STAT4: variants seen among roughly 807,000 people sequenced by gnomAD.
STAT4 encodes signal transducer and activator of transcription 4.
Under a neutral mutation model 110.5 loss-of-function variants are expected in STAT4, and 42 were observed. That is an observed-to-expected ratio of 0.38 (90% CI 0.30 to 0.49). The LOEUF (loss-of-function observed/expected upper bound fraction) is 0.49. Ranked by LOEUF, STAT4 falls within the 20% of genes least tolerant of loss-of-function variation. The pLI is 0.95. For synonymous variants in STAT4, 284 were observed against 302.2 expected (o/e 0.94, Z 0.63); for missense variants, 632 against 887.9 (o/e 0.71, Z 3.66).
At chr2:191,040,414 C>A (rs1259923232) in intron 15 of STAT4, among the ~76,000 whole-genome samples, 2 of 151,994 alleles carry the variant, frequency 1.3e-5, no homozygotes. Context: ...GACATAAGCT[C>A]AAGGATACTT....
At position 191,069,710 on chromosome 2, in the gene STAT4, T is replaced by C. The variant is rs1697089982; in HGVS notation, c.527A>G (p.Lys176Arg). 2 of 1,609,918 alleles carry C rather than the reference T, an allele frequency of 1.2e-6. No individual in the cohort carries two copies. The change falls in exon 6 of 24, where the codon AAA (lysine) becomes AGA (arginine). Residue 176 changes from lysine to arginine, a missense_variant. Lys to Arg is a conservative substitution (Grantham distance 26, BLOSUM62 2). Around this residue, in one of 4 missense-constraint regions of STAT4, gnomAD observed 488 missense variants for 632.8 expected, o/e 0.77. Coordinates refer to ENST00000392320, the MANE Select transcript of STAT4 (RefSeq NM_003151.4). ...AAACTTACCCATTGTCTGAATTGTT[T>C]TATACCTGTAGTCAAATTCGTCTTG... ...DLQDEFDYRY[K>R]TIQTMDQSDK...
At chr2:191,073,308 T>A in intron 4 of STAT4, 118 bp from the exon 5 acceptor site, 1 of 738,374 alleles carries the variant, frequency 1.4e-6, no homozygotes, top group Non-Finnish European at 2.3e-6. Context: ...TACTCTATAG[T>A]CATTAAAAAA....
At position 191,061,669 on chromosome 2, in the gene STAT4, G is replaced by T; in HGVS notation, c.1034+60C>A. 6.7e-7 allele frequency: 1 copy of T among 1,495,416 alleles called. No individual in the cohort carries two copies. Among genetic ancestry groups the T allele is most frequent in the Non-Finnish European group, 9.3e-7 (1 of 1,072,900 alleles). 92.6% of individuals were successfully genotyped at this position (1,495,416 alleles called of 1,614,324 possible). A position where few individuals can be genotyped will look rare whatever the true frequency, so the allele number is the denominator to read the frequency against. On this transcript the variant is annotated intron_variant, in intron 10 of 23. Coordinates refer to ENST00000392320, the MANE Select transcript of STAT4 (RefSeq NM_003151.4). The surrounding 1 kb of genome is among the most constrained non-coding windows in gnomAD (Gnocchi z 6.2). Reference sequence around the variant, plus strand: ...AGCCACAATGAGAGAAATTGGCCTTGATCATCCAGAGACTATAGCTCCACA... The same window carrying T: ...AGCCACAATGAGAGAAATTGGCCTTTATCATCCAGAGACTATAGCTCCACA...
intron 3 of STAT4, among the ~76,000 whole-genome samples, chr2:191,092,502 T>C (rs1697827315): frequency 6.7e-6 from 1 of 150,094 alleles, no homozygotes; most frequent in African/African-American, 2.5e-5. Context: ...ATAGTGTGAA[T>C]GTGCTACAGT....
At chr2:191,106,692 TA>T (rs1698292776) in intron 3 of STAT4, among the ~76,000 whole-genome samples, 1 of 147,918 alleles carries the variant, frequency 6.8e-6, no homozygotes, top group Non-Finnish European at 1.5e-5. Context: ...TAAAATAAAA[TA>T]AAATAAAAAA....
At position 191,066,601 on chromosome 2, in the gene STAT4, G is replaced by T; in HGVS notation, c.545-86C>A. On this transcript the variant is annotated intron_variant, in intron 6 of 23. Transcript: ENST00000392320. This position sits in a 1 kb window ranked among gnomAD's most constrained non-coding sequence, Gnocchi z 4.3. ...CAATCCACCATCCTAAAACAGCCCT[G>T]GCCCGGAGAACTTATGTGGTAAGAG... is the stretch of plus-strand genomic sequence containing the variant. 1 of 1,250,384 alleles carries T rather than the reference G, an allele frequency of 8.0e-7. No homozygotes were observed. Among genetic ancestry groups the T allele is most frequent in the Non-Finnish European group, 1.1e-6 (1 of 877,944 alleles). 77.5% of individuals were successfully genotyped at this position (1,250,384 alleles called of 1,614,324 possible).
At chr2:191,064,689 C>T in intron 8 of STAT4, 118 bp downstream of exon 8, 1 of 1,218,898 alleles carries the variant, frequency 8.2e-7, no homozygotes. Context: ...TGCTAATAAG[C>T]CATCAATAAA....
chr2:191,029,944 G>A lies in STAT4; in HGVS notation c.2221-78C>T, dbSNP rs564177967. The A allele has an allele frequency of 4.5e-5, 51 of 1,136,364 alleles. No homozygotes were observed. The highest frequency in any genetic ancestry group is 3.4e-4 in the South Asian group (24 of 70,966). The allele number at this position is 1,136,364 out of a possible 1,614,324, so 70.4% of individuals were successfully genotyped here. On this transcript the variant is annotated intron_variant, in intron 23 of 23. Transcript: ENST00000392320. The surrounding 1 kb of genome is among the most constrained non-coding windows in gnomAD (Gnocchi z 4.5). ...ATCACTATTTCTTGGGCAAATAAAC[G>A]TCCTCTTTTCTACGAATTACTCCAT...
At chr2:191,076,405 AAAC>A (rs1375637132) in intron 3 of STAT4, 80 bp from the exon 4 acceptor site, 3 of 972,570 alleles carry the variant, frequency 3.1e-6, no homozygotes, top group East Asian at 2.4e-5. Context: ...ACCTCTTGAA[AAAC>A]AACAACAATC....
intron 3 of STAT4, among the ~76,000 whole-genome samples, chr2:191,134,648 C>T (rs139271403): frequency 6.6e-6 from 1 of 152,280 alleles, no homozygotes; most frequent in Non-Finnish European, 1.5e-5. Context: ...GAATCAAAGC[C>T]AAAGTATACT....
intron 3 of STAT4, among the ~76,000 whole-genome samples, chr2:191,127,674 C>G (rs766126327): frequency 1.2e-4 from 19 of 152,104 alleles, no homozygotes; most frequent in Admixed American, 2.6e-4. Flanking sequence ...GCCATTGTAC[C>G]CCAAAGTAAA....
rs1012030129 is a variant in STAT4, at chr2:191,147,136, C to A, written c.129-379G>T. 6.6e-6 allele frequency among the ~76,000 whole-genome samples: 1 copy of A among 152,132 alleles called. No individual in the cohort carries two copies. Among genetic ancestry groups the A allele is most frequent in the Non-Finnish European group, 1.5e-5 (1 of 67,988 alleles). On this transcript the variant is annotated intron_variant, in intron 2 of 23. Coordinates refer to ENST00000392320, the MANE Select transcript of STAT4 (RefSeq NM_003151.4). The surrounding 1 kb of genome is among the most constrained non-coding windows in gnomAD (Gnocchi z 4.1). ...AACATAAAATTGCTATATGACCCAGCAATTCCACATCTGGATATATACCCA... is the reference window on the plus strand; with the variant it reads ...AACATAAAATTGCTATATGACCCAGAAATTCCACATCTGGATATATACCCA...
intron 3 of STAT4, among the ~76,000 whole-genome samples, chr2:191,120,331 A>C (rs1698684923): frequency 6.6e-6 from 1 of 152,220 alleles, no homozygotes; most frequent in Non-Finnish European, 1.5e-5. Flanking sequence ...AAGAATTAAA[A>C]ATTAGTAAAA....
intron 3 of STAT4, among the ~76,000 whole-genome samples, chr2:191,088,107 T>C (rs982711868): frequency 6.6e-5 from 10 of 152,306 alleles, no homozygotes; most frequent in Middle Eastern, 3.4e-3. Context: ...ATTTTCTTTG[T>C]TCACAGGTGA....
intron 3 of STAT4, among the ~76,000 whole-genome samples, chr2:191,129,374 G>A (rs12995923): frequency 0.63 from 95,742 of 151,806 alleles, 30,609 homozygotes; most frequent in South Asian, 0.78. Context: ...GGATCACTTG[G>A]GCCCAGGAGT....
Position 191,033,420 on chromosome 2 carries a change from A to G in STAT4, c.1852+70T>C. ...CAGATCAACACACCATACACTTCCA[A>G]AAACTGAAATCCCAGTAACCAAATT... On this transcript the variant is annotated intron_variant, in intron 20 of 23. Coordinates refer to ENST00000392320, the MANE Select transcript of STAT4 (RefSeq NM_003151.4). The surrounding 1 kb of genome is among the most constrained non-coding windows in gnomAD (Gnocchi z 6.9). The G allele has an allele frequency of 6.6e-7, 1 of 1,525,340 alleles. No homozygotes were observed. The highest frequency in any genetic ancestry group is 2.1e-5 in the Admixed American group (1 of 48,548). The allele number at this position is 1,525,340 out of a possible 1,614,324, so 94.5% of individuals were successfully genotyped here.
At chr2:191,092,207 C>T (rs900825401) in intron 3 of STAT4, among the ~76,000 whole-genome samples, 9 of 151,968 alleles carry the variant, frequency 5.9e-5, no homozygotes, top group African/African-American at 1.7e-4. Context: ...AGTTAGAGAC[C>T]AGTCTAACCA....
chr2:191,102,799 C>G (rs1193186696), intron 3 of STAT4, among the ~76,000 whole-genome samples: 1 of 152,178 alleles, frequency 6.6e-6, no homozygotes, highest in Non-Finnish European at 1.5e-5. Context: ...CCAAAATATA[C>G]TTTCAGTTGT....
At chr2:191,127,679 A>G (rs1295605206) in intron 3 of STAT4, among the ~76,000 whole-genome samples, 1 of 152,248 alleles carries the variant, frequency 6.6e-6, no homozygotes, top group Non-Finnish European at 1.5e-5. Context: ...TGTACCCCAA[A>G]GTAAATCATA....
Sources: gnomAD v4.1 joint callset for allele counts (sites outside exome capture counted in the v4.1 genomes callset) on GRCh38, gnomAD v4.1.1 for gene constraint, gnomAD v4.1.1 regional missense constraint, Gnocchi (gnomAD v3.1) non-coding constraint, MANE v1.5 for transcripts, NCBI Gene and HGNC (gene_info 2026-07-23, HGNC 2026-07-21) for gene names.